Variants in PKD1L3 observed in about 807,000 individuals in gnomAD.
The protein encoded by PKD1L3 is polycystin-1-like protein 3.
PKD1L3 carries 239 observed loss-of-function variants against 184.1 expected under a neutral mutation model. The ratio of observed to expected loss-of-function variants is 1.30; its 90% CI spans 1.17 to 1.45. PKD1L3 has a LOEUF of 1.45. Ranked by LOEUF, PKD1L3 falls within the 40% of genes most tolerant of loss-of-function variation. PKD1L3 has a pLI of 0.00. For synonymous variants in PKD1L3, 996 were observed against 778.8 expected, an observed-to-expected ratio of 1.28 and a Z score of -4.64; for missense variants, 2,660 against 2,067.2, an observed-to-expected ratio of 1.29 and a Z score of -5.56.
At chr16:71,958,343 C>T (rs1190663633) in intron 16 of PKD1L3, among the ~76,000 whole-genome samples, 2 of 140,786 alleles carry the variant, frequency 1.4e-5, no homozygotes, top group East Asian at 4.4e-4. Flanking sequence ...GCCGAGATCC[C>T]GCCACTGCAC....
rs1054890329 is a variant in PKD1L3 at position 71,982,103 on chromosome 16, C to G, written c.1099G>C (p.Ala367Pro). The G allele has an allele frequency of 3.2e-6, 5 of 1,551,082 alleles. No homozygotes were observed. Among genetic ancestry groups the G allele is most frequent in the Non-Finnish European group, 4.4e-6 (5 of 1,146,844 alleles). The change falls in exon 7 of 30, where the codon GCT becomes CCT. Residue 367 changes from alanine (A) to proline (P), a missense_variant. By Grantham distance (27) the Ala-to-Pro change is conservative. Coordinates refer to ENST00000620267, the MANE Select transcript of PKD1L3 (RefSeq NM_181536.2). ...GATTCCAGCCAACTTCCTTCTCCAGCTTTGGTGACATTGTTGAGGGAATGA... is the reference window on the plus strand; with the variant it reads ...GATTCCAGCCAACTTCCTTCTCCAGGTTTGGTGACATTGTTGAGGGAATGA... ...PFHSLNNVTK[A>P]GEGSWLESKR... is the part of the protein sequence containing the mutation.
Position 71,969,870 on chromosome 16 carries a change from A to G in PKD1L3, c.2184+5T>C. On this transcript the variant is annotated splice_donor_5th_base_variant and intron_variant, in intron 13 of 29. Coordinates refer to ENST00000620267, the MANE Select transcript of PKD1L3 (RefSeq NM_181536.2). ...GCAAATCTGTTGAAATCAAAGTCTC[A>G]TTACCTTCTGCATATCTGCTTGATC... 1 of 1,541,884 alleles carries G rather than the reference A, an allele frequency of 6.5e-7. No homozygotes were observed. The highest frequency in any genetic ancestry group is 1.4e-5 in the African/African-American group (1 of 72,962).
At position 71,956,676 on chromosome 16, in the gene PKD1L3, A is replaced by C. The variant is rs557461609; in HGVS notation, c.2613-2375T>G. Among the ~76,000 whole-genome samples, 99 of 152,318 alleles carry C rather than the reference A, an allele frequency of 6.5e-4. 1 individual carries two copies. Among genetic ancestry groups the C allele is most frequent in the Admixed American group, 6.5e-3 (99 of 15,288 alleles). On this transcript the variant is annotated intron_variant, in intron 16 of 29. Coordinates refer to ENST00000620267, the MANE Select transcript of PKD1L3 (RefSeq NM_181536.2). ...TGCCAAGGGTTGGAAGGGGGAGGGA[A>C]CAGGAAGTTGTTCAATGGGTGTAGA...
At chr16:71,975,957 C>CCTTTTTT (rs1555522935) in intron 11 of PKD1L3, among the ~76,000 whole-genome samples, 2 of 24,292 alleles carry the variant, frequency 8.2e-5, no homozygotes, top group African/African-American at 1.6e-4. Context: ...TGTTTCTGTT[C>CCTTTTTT]TTTTTTTTTT....
chr16:71,952,510 T>C (rs112803843), intron 18 of PKD1L3, among the ~76,000 whole-genome samples: 37,087 of 144,618 alleles, frequency 0.26, 4,816 homozygotes, highest in Non-Finnish European at 0.27. Context: ...TGAGCCACCG[T>C]GCCCAGCTGG....
chr16:71,949,188 C>T (rs1292400816), intron 21 of PKD1L3, among the ~76,000 whole-genome samples: 1 of 151,954 alleles, frequency 6.6e-6, no homozygotes, highest in Non-Finnish European at 1.5e-5. Context: ...TAATTAAAAA[C>T]ATTTTAAGTT....
chr16:71,996,451 G>A (rs984400768), intron 2 of PKD1L3, among the ~76,000 whole-genome samples: 1 of 151,850 alleles, frequency 6.6e-6, no homozygotes, highest in African/African-American at 2.4e-5. Flanking sequence ...AGTAGAGACT[G>A]GGGTTTCACC....
In PKD1L3 at chr16:71,986,340, C is replaced by T. The variant is rs1035808747; in HGVS notation, c.715G>A (p.Val239Met). The T allele has an allele frequency of 1.7e-5, 26 of 1,551,896 alleles. No homozygotes were observed. Among genetic ancestry groups the T allele is most frequent in the African/African-American group, 8.2e-5 (6 of 73,012 alleles). Residue 239 changes from valine to methionine, a missense_variant, in exon 5 of 30, where the codon GTG (valine) becomes ATG (methionine). Val to Met is a conservative substitution (Grantham distance 21). Transcript: ENST00000620267. ...LPVITQLTMPVSVTHAGQSLA... is the reference protein window; with the variant it reads ...LPVITQLTMPMSVTHAGQSLA... ...GATTGCCCAGCATGCGTGACAGACA[C>T]GGGCATGGTGAGCTGTGTTATCACA...
chr16:71,963,303 C>G lies in PKD1L3; in HGVS notation c.2514G>C (p.Trp838Cys). The change falls in exon 16 of 30, where the codon TGG (tryptophan) becomes TGC (cysteine). Residue 838 changes from tryptophan (W) to cysteine (C), a missense_variant. Physicochemically the swap from Trp to Cys is radical, Grantham distance 215 (BLOSUM62 -2). Coordinates refer to ENST00000620267, the MANE Select transcript of PKD1L3 (RefSeq NM_181536.2). ...IVCDMAVKRK[W>C]HFLCNCWLAV... is the part of the protein sequence containing the mutation. ...CCAGCCAGCAATTGCACAGGAAATG[C>G]CACTTCCTCTTAACTGCCATGTCAC... 6.4e-7 allele frequency: 1 copy of G among 1,551,250 alleles called. No individual in the cohort carries two copies. Among genetic ancestry groups the G allele is most frequent in the Middle Eastern group, 1.7e-4 (1 of 5,992 alleles).
intron 24 of PKD1L3, among the ~76,000 whole-genome samples, chr16:71,939,616 G>A (rs796612849): frequency 1.1e-4 from 17 of 152,188 alleles, no homozygotes; most frequent in African/African-American, 3.1e-4. Context: ...ACCCCATGAA[G>A]ACCCTTAGGA....
chr16:71,976,830 T>C (rs1294156223), intron 11 of PKD1L3, among the ~76,000 whole-genome samples: 4 of 151,580 alleles, frequency 2.6e-5, no homozygotes, highest in Admixed American at 2.0e-4. Flanking sequence ...GCAAGCTCCG[T>C]CTCCCAGGTT....
At chr16:71,934,249 G>T in intron 26 of PKD1L3, 124 bp from the exon 27 acceptor site, 1 of 830,070 alleles carries the variant, frequency 1.2e-6, no homozygotes, top group Non-Finnish European at 1.9e-6. Context: ...TTGTTGATGT[G>T]AGAACTGCTT....
At position 71,990,343 on chromosome 16, in the gene PKD1L3, A is replaced by C; in HGVS notation, c.536-14T>G. 9 of 1,539,274 alleles carry C rather than the reference A, an allele frequency of 5.8e-6. No homozygotes were observed. The highest frequency in any genetic ancestry group is 7.0e-6 in the Non-Finnish European group (8 of 1,137,176). On this transcript the variant is annotated splice_polypyrimidine_tract_variant and intron_variant, in intron 3 of 29. Transcript: ENST00000620267. ...GATGACCAGGTCCTATAGAAAAAAG[A>C]AAGCAGACTAAGTTCAAGTAAAAGC...
At chr16:71,996,026 AC>A (rs2040771108) in intron 2 of PKD1L3, among the ~76,000 whole-genome samples, 1 of 152,086 alleles carries the variant, frequency 6.6e-6, no homozygotes, top group African/African-American at 2.4e-5. Context: ...TGATGTGTAT[AC>A]TTACATCAGT....
chr16:71,934,015 G>T lies in PKD1L3; in HGVS notation c.4724C>A (p.Pro1575His). The T allele has an allele frequency of 6.4e-7, 1 of 1,551,692 alleles. No individual in the cohort carries two copies. The highest frequency in any genetic ancestry group is 2.4e-5 in the East Asian group (1 of 40,916). The change falls in exon 27 of 30, where the codon CCC becomes CAC. Residue 1575 changes from proline to histidine, a missense_variant. Physicochemically the swap from Pro to His is moderately conservative, Grantham distance 77 (BLOSUM62 -2). Transcript: ENST00000620267. ...VQLWNLLRHS[P>H]RLRVISRTLS... ...TGTCCTGCTGATGACCCGCAGCCTG[G>T]GGCTATGACGCAGCAGGTTCCATAA... is the stretch of plus-strand genomic sequence containing the variant.
Position 71,953,092 on chromosome 16 carries a change from C to T in PKD1L3, c.2811G>A (p.Met937Ile), listed in dbSNP as rs559392095. 20 of 1,446,760 alleles carry T rather than the reference C, an allele frequency of 1.4e-5. No individual in the cohort carries two copies. The African/African-American group carries it at 2.4e-4, about 17-fold the overall frequency. 89.6% of individuals were successfully genotyped at this position (1,446,760 alleles called of 1,614,324 possible). Residue 937 changes from methionine to isoleucine, a missense_variant and splice_region_variant, in exon 18 of 30, where the codon ATG (methionine) becomes ATA (isoleucine). Met to Ile is a conservative substitution (Grantham distance 10). Coordinates refer to ENST00000620267, the MANE Select transcript of PKD1L3 (RefSeq NM_181536.2). Reference protein sequence around the residue: ...NSTTAKRDEQMRPFAVAWSEL... With the variant: ...NSTTAKRDEQIRPFAVAWSEL... ...CAGACCAGGCCACAGCAAATGGACGCACTGAAAGAAAAGCATGACATCAAC... is the reference window on the plus strand; with the variant it reads ...CAGACCAGGCCACAGCAAATGGACGTACTGAAAGAAAAGCATGACATCAAC...
chr16:71,943,551 A>AAAC (rs1189444650), intron 23 of PKD1L3, among the ~76,000 whole-genome samples: 2 of 151,664 alleles, frequency 1.3e-5, no homozygotes, highest in East Asian at 1.9e-4. Flanking sequence ...AAAAAAAAAA[A>AAAC]AAAAAAACAT....
intron 7 of PKD1L3, among the ~76,000 whole-genome samples, 174 bp downstream of exon 7, chr16:71,981,885 C>T (rs1360341245): frequency 6.6e-6 from 1 of 151,984 alleles, no homozygotes; most frequent in East Asian, 1.9e-4. Flanking sequence ...AGTCTTGGCT[C>T]ACTGGTGGGG....
intron 16 of PKD1L3, among the ~76,000 whole-genome samples, chr16:71,954,965 T>A (rs2038988709): frequency 1.3e-5 from 2 of 152,140 alleles, no homozygotes; most frequent in Admixed American, 1.3e-4. Context: ...AAGCCAGTGT[T>A]GAGCCTGGAG....
Sources: allele counts gnomAD v4.1 joint callset (sites outside exome capture counted in the v4.1 genomes callset), GRCh38; gene constraint gnomAD v4.1.1; transcripts MANE v1.5; gene names NCBI Gene and HGNC (gene_info 2026-07-23, HGNC 2026-07-21).